Variants in GCSAML observed in about 807,000 individuals in gnomAD.
GCSAML encodes the protein germinal center associated signaling and motility like, also known as germinal center-associated signaling and motility-like protein.
In GCSAML, 9 loss-of-function variants were observed where a neutral mutation model predicts 13.0. The ratio of observed to expected loss-of-function variants is 0.69; its 90% CI spans 0.42 to 1.21. GCSAML has a LOEUF of 1.21. GCSAML is among the 50% of genes most tolerant of loss of function. The probability of loss-of-function intolerance (pLI) is 0.00; values close to 1 mark genes in which losing one functional copy is unlikely to be tolerated. For missense variants in GCSAML, 143 were observed against 153.4 expected (o/e 0.93, Z 0.36); for synonymous variants, 37 against 52.9 (o/e 0.70, Z 1.31).
rs201259305 is a variant in GCSAML, at chr1:247,532,009, G to A, written c.-148+4955G>A. The A allele has an allele frequency of 9.3e-6, 15 of 1,613,986 alleles. No individual in the cohort carries two copies. In the African/African-American group the frequency reaches 1.1e-4, roughly 11 times the overall value. On this transcript the variant is annotated intron_variant, in intron 2 of 5. Transcript: ENST00000366489. ...GTCGATGCAATTGTTCCCACACAGC[G>A]GTAGGAGCATGGTGAGCGTGGAGCC...
intron 1 of GCSAML, among the ~76,000 whole-genome samples, chr1:247,522,681 A>G (rs1452351231): frequency 6.6e-6 from 1 of 151,336 alleles, no homozygotes; most frequent in African/African-American, 2.4e-5. Flanking sequence ...GGGCGGTGCA[A>G]GATGTGCTTT....
At position 247,574,478 on chromosome 1, in the gene GCSAML, T is replaced by A; in HGVS notation, c.*96T>A. 7.5e-7 allele frequency: 1 copy of A among 1,338,766 alleles called. No homozygotes were observed. Among genetic ancestry groups the A allele is most frequent in the South Asian group, 1.4e-5 (1 of 72,446 alleles). 82.9% of individuals were successfully genotyped at this position (1,338,766 alleles called of 1,614,324 possible). On this transcript the variant is annotated 3_prime_UTR_variant, in exon 5 of 5. Transcript: ENST00000366488. ...TCACCCTGAGCAGTGCATGAAACATTCCTTTCTGGCTAAAGTTTAGAAATA... is the reference window on the plus strand; with the variant it reads ...TCACCCTGAGCAGTGCATGAAACATACCTTTCTGGCTAAAGTTTAGAAATA...
At chr1:247,514,441 T>C (rs1172188610) in intron 1 of GCSAML, among the ~76,000 whole-genome samples, 2 of 152,222 alleles carry the variant, frequency 1.3e-5, no homozygotes, top group Admixed American at 6.5e-5. Flanking sequence ...AACTCTGCTA[T>C]TTCTTTTGCT....
chr1:247,574,060 AAAG>A (rs1426595041), intron 4 of GCSAML, 80 bp from the exon 5 acceptor site: 32 of 1,492,112 alleles, frequency 2.1e-5, no homozygotes, highest in Non-Finnish European at 2.7e-5. Flanking sequence ...TCAGGTGTAT[AAAG>A]AAGAAGGGAA....
intron 1 of GCSAML, among the ~76,000 whole-genome samples, chr1:247,553,525 T>C (rs2103041059): frequency 6.6e-6 from 1 of 152,380 alleles, no homozygotes; most frequent in Middle Eastern, 3.4e-3. Flanking sequence ...CTGTATATTT[T>C]TGACATTTAT....
At position 247,574,783 on chromosome 1, in the gene GCSAML, G is replaced by A; in HGVS notation, c.*401G>A. 1 of 211,606 alleles carries A rather than the reference G, an allele frequency of 4.7e-6. No homozygotes were observed. Among genetic ancestry groups the A allele is most frequent in the Non-Finnish European group, 9.6e-6 (1 of 104,498 alleles). 13.1% of individuals were successfully genotyped at this position (211,606 alleles called of 1,614,324 possible). ...CTGGCCATGATAGGAAGGGAGGTGA[G>A]ACACACCTTGTTATACCCCTTCCCT... On this transcript the variant is annotated 3_prime_UTR_variant, in exon 5 of 5. Coordinates refer to ENST00000366488, the MANE Select transcript of GCSAML (RefSeq NM_145278.5).
chr1:247,570,091 C>T (rs1041130064), intron 4 of GCSAML, among the ~76,000 whole-genome samples: 1 of 151,834 alleles, frequency 6.6e-6, no homozygotes, highest in South Asian at 2.1e-4. Context: ...TTTGATTCTT[C>T]TGTCTTTCTT....
chr1:247,554,911 C>G, intron 1 of GCSAML, among the ~76,000 whole-genome samples: 1 of 152,062 alleles, frequency 6.6e-6, no homozygotes, highest in Non-Finnish European at 1.5e-5. Context: ...AATCTTAATT[C>G]TTTGGCCAAG....
intron 1 of GCSAML, among the ~76,000 whole-genome samples, chr1:247,550,976 A>C (rs957483403): frequency 6.6e-6 from 1 of 152,226 alleles, no homozygotes; most frequent in Admixed American, 6.5e-5. Context: ...AATAGACATT[A>C]CGTGGCTCAG....
chr1:247,534,708 CAG>C (rs985163348), intron 2 of GCSAML, among the ~76,000 whole-genome samples: 3 of 152,174 alleles, frequency 2.0e-5, no homozygotes, highest in African/African-American at 7.2e-5. Flanking sequence ...ACTTAACTAT[CAG>C]CCTTCTTAAA....
chr1:247,564,857 A>C (rs748686361), intron 3 of GCSAML, among the ~76,000 whole-genome samples: 3 of 152,200 alleles, frequency 2.0e-5, no homozygotes, highest in Admixed American at 6.5e-5. Context: ...GCCATATACA[A>C]AAATTAACTC....
chr1:247,574,458 C>T lies in GCSAML; in HGVS notation c.*76C>T. 1 of 1,490,904 alleles carries T rather than the reference C, an allele frequency of 6.7e-7. No homozygotes were observed. The highest frequency in any genetic ancestry group is 9.2e-7 in the Non-Finnish European group (1 of 1,088,954). 92.4% of individuals were successfully genotyped at this position (1,490,904 alleles called of 1,614,324 possible). A position where few individuals can be genotyped will look rare whatever the true frequency, so the allele number is the denominator to read the frequency against. ...GCAGACTCTGGCGAAGTTGTTCACC[C>T]TGAGCAGTGCATGAAACATTCCTTT... On this transcript the variant is annotated 3_prime_UTR_variant, in exon 5 of 5. Transcript: ENST00000366488.
chr1:247,517,113 AG>A (rs1424540225), intron 1 of GCSAML, among the ~76,000 whole-genome samples: 1 of 151,996 alleles, frequency 6.6e-6, no homozygotes, highest in Non-Finnish European at 1.5e-5. Context: ...GGACATGGCA[AG>A]GAAGAAAATC....
chr1:247,528,208 C>CA (rs1357960276), intron 2 of GCSAML: 2 of 152,022 alleles, frequency 1.3e-5, no homozygotes, highest in Non-Finnish European at 2.9e-5. Flanking sequence ...CCCAAGCCCC[C>CA]AAAATTGTAT....
rs773436526 is a variant in GCSAML at position 247,531,872 on chromosome 1, G to A, written c.-148+4818G>A. 1 of 1,614,212 alleles carries A rather than the reference G, an allele frequency of 6.2e-7. No homozygotes were observed. The highest frequency in any genetic ancestry group is 1.7e-5 in the Admixed American group (1 of 60,020). ...ATGTGGCCGTAAGAGACCAGGATGA[G>A]CCCCAGAGGCAGGACAACAAAGACA... On this transcript the variant is annotated intron_variant, in intron 2 of 5. Transcript: ENST00000366489.
chr1:247,517,838 T>C (rs1212665933), intron 1 of GCSAML, among the ~76,000 whole-genome samples: 2 of 152,100 alleles, frequency 1.3e-5, no homozygotes, highest in Admixed American at 6.5e-5. Flanking sequence ...TGAACCTCTC[T>C]AAATAGGCAA....
intron 1 of GCSAML, among the ~76,000 whole-genome samples, chr1:247,550,649 AAAC>A (rs747765994): frequency 1.4e-5 from 2 of 139,816 alleles, no homozygotes; most frequent in Admixed American, 6.8e-5. Context: ...ATAAACAAAC[AAAC>A]AAAAAAAAAT....
chr1:247,512,982 C>A (rs576374825), intron 1 of GCSAML, among the ~76,000 whole-genome samples: 3 of 152,292 alleles, frequency 2.0e-5, no homozygotes, highest in Admixed American at 6.5e-5. Context: ...TCAGGAGGCA[C>A]AGGGGTCAAG....
At chr1:247,545,738 T>TTTAG (rs1183411350), upstream of GCSAML, among the ~76,000 whole-genome samples, 4 of 152,338 alleles carry the variant, frequency 2.6e-5, no homozygotes, top group African/African-American at 9.6e-5. Context: ...TGTTTGTTTA[T>TTTAG]TTAGTTATTT....
Sources: gnomAD v4.1 joint callset for allele counts (sites outside exome capture counted in the v4.1 genomes callset) on GRCh38, gnomAD v4.1.1 for gene constraint, MANE v1.5 for transcripts, NCBI Gene and HGNC (gene_info 2026-07-23, HGNC 2026-07-21) for gene names.